STK32B: variants seen among roughly 807,000 people sequenced by gnomAD.
STK32B encodes the protein serine/threonine kinase 32B.
Under a neutral mutation model 52.6 loss-of-function variants are expected in STK32B, and 43 were observed. The ratio of observed to expected loss-of-function variants is 0.82; its 90% CI spans 0.64 to 1.05. The LOEUF (loss-of-function observed/expected upper bound fraction) is 1.05. Ranked by LOEUF, STK32B falls within the 50% of genes least tolerant of loss-of-function variation. The probability of loss-of-function intolerance (pLI) is 0.00; values close to 1 mark genes in which losing one functional copy is unlikely to be tolerated. For synonymous variants in STK32B, 238 were observed against 204.3 expected, an observed-to-expected ratio of 1.17 and a Z score of -1.41; for missense variants, 621 against 534.6, an observed-to-expected ratio of 1.16 and a Z score of -1.59.
chr4:5,280,681 G>A (rs747522615), intron 3 of STK32B, among the ~76,000 whole-genome samples: 1 of 152,072 alleles, frequency 6.6e-6, no homozygotes, highest in African/African-American at 2.4e-5. Flanking sequence ...GGTCACTTGA[G>A]GTCAGGAGTT....
At position 5,345,741 on chromosome 4, in the gene STK32B, A is replaced by T. The variant is rs150646154; in HGVS notation, c.434+14348A>T. ...CATACTATCTCTATTCTGATAACCT[A>T]TGGTAATCAAGTTCTTCAACAACAC... On this transcript the variant is annotated intron_variant, in intron 4 of 11. Transcript: ENST00000282908. Among the ~76,000 whole-genome samples the T allele has an allele frequency of 9.8e-5, 15 of 152,340 alleles. No individual in the cohort carries two copies. In the East Asian group the frequency reaches 2.1e-3, roughly 22 times the overall value.
chr4:5,294,455 G>A (rs780383267), intron 3 of STK32B, among the ~76,000 whole-genome samples: 1 of 152,106 alleles, frequency 6.6e-6, no homozygotes, highest in Non-Finnish European at 1.5e-5. Context: ...GCCTTGAGCA[G>A]TGGTTTATAG....
intron 1 of STK32B, among the ~76,000 whole-genome samples, chr4:5,135,937 C>T (rs147401570): frequency 1.8e-4 from 28 of 152,270 alleles, no homozygotes; most frequent in Non-Finnish European, 3.1e-4. Context: ...TTAATTAGAT[C>T]GGTAGTTCCC....
At chr4:5,366,942 G>A (rs887275277) in intron 4 of STK32B, among the ~76,000 whole-genome samples, 2 of 152,058 alleles carry the variant, frequency 1.3e-5, no homozygotes, top group African/African-American at 2.4e-5. Context: ...CTCCCATTTA[G>A]CAGCTATGAG....
At chr4:5,261,124 C>A (rs566139013) in intron 3 of STK32B, among the ~76,000 whole-genome samples, 1 of 152,034 alleles carries the variant, frequency 6.6e-6, no homozygotes, top group Non-Finnish European at 1.5e-5. Flanking sequence ...AGCTGGGGGG[C>A]GAGCCTGCAG....
Position 5,372,515 on chromosome 4 carries a change from C to A in STK32B, c.435-25692C>A, listed in dbSNP as rs533105621. ...GGCCATTACTATTCAATATTACCAT[C>A]CTATTAAGGAAAGTGTCAGTAATCT... is the stretch of plus-strand genomic sequence containing the variant. On this transcript the variant is annotated intron_variant, in intron 4 of 11. Coordinates refer to ENST00000282908, the MANE Select transcript of STK32B (RefSeq NM_018401.3). Among the ~76,000 whole-genome samples, 260 of 152,210 alleles carry A rather than the reference C, an allele frequency of 1.7e-3. 1 individual carries two copies. The highest frequency in any genetic ancestry group is 5.1e-3 in the African/African-American group (213 of 41,512).
Position 5,384,638 on chromosome 4 carries a change from G to A in STK32B, c.435-13569G>A, listed in dbSNP as rs137891626. Among the ~76,000 whole-genome samples, 920 of 152,266 alleles carry A rather than the reference G, an allele frequency of 6.0e-3. 8 individuals carry two copies. Among genetic ancestry groups the A allele is most frequent in the African/African-American group, 0.021 (860 of 41,552 alleles). ...AGAAATTAACCAGGCTTTGGGTTCC[G>A]CCAGGTGAACAGTCAAGGGAGTCGA... On this transcript the variant is annotated intron_variant, in intron 4 of 11. Transcript: ENST00000282908.
rs539447854 is a variant in STK32B, at chr4:5,069,341, A to G, written c.52+17426A>G. On this transcript the variant is annotated intron_variant, in intron 1 of 11. Transcript: ENST00000282908. The stretch of plus-strand genomic sequence containing the variant: ...TTGAGCCCCACACTTTCTTTTTGAC[A>G]CTGGAGCTGCAGCATGTGCTCTTTT... 1.3e-3 allele frequency among the ~76,000 whole-genome samples: 190 copies of G among 151,940 alleles called. 4 individuals carry two copies. Among genetic ancestry groups the G allele is most frequent in the African/African-American group, 4.4e-3 (181 of 41,460 alleles).
chr4:5,020,512 A>T, the STK32B span, among the ~76,000 whole-genome samples: 1 of 152,202 alleles, frequency 6.6e-6, no homozygotes, highest in Non-Finnish European at 1.5e-5. Context: ...CACAGAAAAG[A>T]GTCCCATTTT....
Position 5,110,947 on chromosome 4 carries a change from GC to G in STK32B, c.53-28957del, listed in dbSNP as rs1165922784. ...AATAAACAACACCATTAAAAGCTGGGCAAAAGACATGAAAATACATTTTTGA... is the reference window on the plus strand; with the variant it reads ...AATAAACAACACCATTAAAAGCTGGGAAAAGACATGAAAATACATTTTTGA... On this transcript the variant is annotated intron_variant, in intron 1 of 11. Coordinates refer to ENST00000282908, the MANE Select transcript of STK32B (RefSeq NM_018401.3). 7.3e-5 allele frequency among the ~76,000 whole-genome samples: 11 copies of G among 151,264 alleles called. No individual in the cohort carries two copies. The East Asian group carries it at 1.6e-3, about 22-fold the overall frequency.
chr4:5,280,038 C>G (rs60968717), intron 3 of STK32B, among the ~76,000 whole-genome samples: 5,479 of 152,290 alleles, frequency 0.036, 170 homozygotes, highest in East Asian at 0.071. Flanking sequence ...ATTATCTTGG[C>G]TAGGAACATT....
intron 3 of STK32B, among the ~76,000 whole-genome samples, chr4:5,322,839 A>G (rs182980426): frequency 2.6e-5 from 4 of 152,176 alleles, no homozygotes; most frequent in African/African-American, 9.6e-5. Flanking sequence ...GATTTCCCCC[A>G]GCAACAGGCA....
In STK32B at chr4:5,186,513, T is replaced by C. The variant is rs549276566; in HGVS notation, c.260+18063T>C. Among the ~76,000 whole-genome samples the C allele has an allele frequency of 2.0e-5, 3 of 152,334 alleles. 1 individual carries two copies. The highest frequency in any genetic ancestry group is 4.1e-4 in the South Asian group (2 of 4,824). ...ACAGATGCTAACCAGCAGTCGCTTA[T>C]CTCGCTTGCTCTCTTCCCTCCATCT... On this transcript the variant is annotated intron_variant, in intron 3 of 11. Coordinates refer to ENST00000282908, the MANE Select transcript of STK32B (RefSeq NM_018401.3).
At chr4:5,303,127 C>T (rs893938304) in intron 3 of STK32B, among the ~76,000 whole-genome samples, 3 of 150,336 alleles carry the variant, frequency 2.0e-5, no homozygotes, top group Non-Finnish European at 2.9e-5. Context: ...TTGGGAATTA[C>T]GCTGCCGTAA....
At chr4:5,480,522 G>A (rs981392484) in intron 11 of STK32B, among the ~76,000 whole-genome samples, 3 of 152,192 alleles carry the variant, frequency 2.0e-5, no homozygotes, top group African/African-American at 7.2e-5. Context: ...TTTATCTGAA[G>A]ACTTGGGATC....
intron 3 of STK32B, among the ~76,000 whole-genome samples, chr4:5,330,926 C>A (rs73794568): frequency 6.6e-6 from 1 of 152,166 alleles, no homozygotes; most frequent in Non-Finnish European, 1.5e-5. Context: ...AAGAAACATG[C>A]TGGAGTCCAG....
rs549898134 is a variant in STK32B at position 5,269,447 on chromosome 4, C to T, written c.261-61773C>T. 5.9e-5 allele frequency among the ~76,000 whole-genome samples: 9 copies of T among 152,246 alleles called. No homozygotes were observed. The East Asian group carries it at 1.5e-3, about 26-fold the overall frequency. On this transcript the variant is annotated intron_variant, in intron 3 of 11. Transcript: ENST00000282908. ...ATAAACTGCACTTCAAATTAAGGCT[C>T]AAGATCAGGAACACAAAAAGGTAAT...
At position 5,198,950 on chromosome 4, in the gene STK32B, G is replaced by A. The variant is rs148172377; in HGVS notation, c.260+30500G>A. ...CTAATTATGTACTTTTGTATGAGGT[G>A]CAGTGAAAGGAAACATCAGCCTAAG... On this transcript the variant is annotated intron_variant, in intron 3 of 11. Transcript: ENST00000282908. 2.0e-3 allele frequency among the ~76,000 whole-genome samples: 296 copies of A among 151,164 alleles called. 1 individual carries two copies. Among genetic ancestry groups the A allele is most frequent in the African/African-American group, 6.8e-3 (277 of 40,494 alleles).
intron 11 of STK32B, among the ~76,000 whole-genome samples, chr4:5,473,808 G>C (rs796291147): frequency 3.3e-5 from 5 of 152,222 alleles, no homozygotes; most frequent in African/African-American, 1.2e-4. Context: ...TCCGCAGCAG[G>C]GTAGACAGTC....
Sources: allele counts gnomAD v4.1 joint callset (sites outside exome capture counted in the v4.1 genomes callset), GRCh38; gene constraint gnomAD v4.1.1; transcripts MANE v1.5; gene names NCBI Gene and HGNC (gene_info 2026-07-23, HGNC 2026-07-21).